The following PAM16 variants were observed in gnomAD, a reference collection of about 807,000 sequenced individuals.
PAM16 encodes the protein mitochondrial import inner membrane translocase subunit TIM16.
In PAM16, 11 loss-of-function variants were observed where a neutral mutation model predicts 17.9. The observed-to-expected ratio is 0.62, with a 90% CI of 0.39 to 1.02. PAM16 has a LOEUF of 1.02. Ranked by LOEUF, PAM16 falls within the 50% of genes least tolerant of loss-of-function variation. PAM16 has a pLI of 0.01. For synonymous variants in PAM16, 72 were observed against 67.4 expected (o/e 1.07, Z -0.34); for missense variants, 199 against 165.4 (o/e 1.20, Z -1.11).
At chr16:4,345,614 C>G (rs1208824022) in intron 1 of PAM16, 2 of 152,920 alleles carry the variant, frequency 1.3e-5, no homozygotes, top group South Asian at 4.1e-4. Context: ...GGGGAATGAA[C>G]AAACAAGTGG....
At chr16:4,340,492 C>T in intron 4 of PAM16, 87 bp from the exon 5 acceptor site, 1 of 1,468,332 alleles carries the variant, frequency 6.8e-7, no homozygotes, top group Non-Finnish European at 9.3e-7. Context: ...CCCATCAGCC[C>T]AGGTCCATTT....
intron 1 of PAM16, among the ~76,000 whole-genome samples, chr16:4,349,801 G>A (rs556642916): frequency 5.7e-4 from 87 of 152,058 alleles, no homozygotes; most frequent in Non-Finnish European, 1.1e-3. Context: ...TGAGTTTTGG[G>A]ACAGAGCTGG....
At chr16:4,348,902 C>A (rs1219446869) in intron 1 of PAM16, among the ~76,000 whole-genome samples, 1 of 151,488 alleles carries the variant, frequency 6.6e-6, no homozygotes, top group Admixed American at 6.6e-5. Flanking sequence ...GGTAATCCAC[C>A]CAAAGTGCTG....
At chr16:4,345,724 C>G (rs2053748327) in intron 1 of PAM16, 1 of 306,350 alleles carries the variant, frequency 3.3e-6, no homozygotes, top group Non-Finnish European at 4.8e-6. Flanking sequence ...AGGGGCAGGG[C>G]TGTGGCTGTA....
intron 2 of PAM16, chr16:4,341,773 G>A (rs985049986): frequency 3.9e-6 from 2 of 514,486 alleles, no homozygotes; most frequent in Admixed American, 3.3e-5. Flanking sequence ...AGATGACCCT[G>A]TCCCCCAACC....
chr16:4,349,231 A>T (rs1199931660), intron 1 of PAM16, among the ~76,000 whole-genome samples: 1 of 151,500 alleles, frequency 6.6e-6, no homozygotes, highest in Non-Finnish European at 1.5e-5. Context: ...CTGGGATTAC[A>T]GGTGTGAGCC....
In PAM16 at chr16:4,340,266, T is replaced by A; in HGVS notation, c.*53A>T. The A allele has an allele frequency of 6.4e-7, 1 of 1,566,192 alleles. No homozygotes were observed. The highest frequency in any genetic ancestry group is 1.1e-5 in the South Asian group (1 of 90,022). On this transcript the variant is annotated 3_prime_UTR_variant, in exon 5 of 5. Transcript: ENST00000318059. ...AAACGAGAAATGCAGAAAAGAAATTTATTACCAAGCTATAAATTAGAGGCG... is the reference window on the plus strand; with the variant it reads ...AAACGAGAAATGCAGAAAAGAAATTAATTACCAAGCTATAAATTAGAGGCG...
At chr16:4,344,167 C>T (rs1567230795) in intron 1 of PAM16, 2 of 368,264 alleles carry the variant, frequency 5.4e-6, no homozygotes, top group Non-Finnish European at 9.5e-6. Flanking sequence ...AAACTCAAGA[C>T]TGAGATGGGA....
chr16:4,341,301 C>G, intron 3 of PAM16, 67 bp downstream of exon 3: 11 of 1,526,306 alleles, frequency 7.2e-6, no homozygotes, highest in Non-Finnish European at 9.7e-6. Flanking sequence ...CTGGCCAGGC[C>G]TCCCTTCACT....
At chr16:4,349,003 G>A (rs773658493) in intron 1 of PAM16, among the ~76,000 whole-genome samples, 22 of 133,498 alleles carry the variant, frequency 1.6e-4, no homozygotes, top group Admixed American at 5.1e-4. Flanking sequence ...CACCCAGGCC[G>A]GAGTGCAGTA....
Position 4,340,431 on chromosome 16 carries a change from G to A in PAM16, c.292-26C>T, listed in dbSNP as rs191458862. 682 of 1,604,890 alleles carry A rather than the reference G, an allele frequency of 4.2e-4. 4 individuals carry two copies. The South Asian group carries it at 5.3e-3, about 12-fold the overall frequency. ...CTAGTGGGTCACGGATAATCAGGCC[G>A]GGAGGCCAAGCCTCCGCCCCATACC... On this transcript the variant is annotated intron_variant, in intron 4 of 4. Transcript: ENST00000318059.
chr16:4,350,441 G>A (rs1466903645), intron 1 of PAM16, among the ~76,000 whole-genome samples: 1 of 150,948 alleles, frequency 6.6e-6, no homozygotes, highest in Non-Finnish European at 1.5e-5. Flanking sequence ...TCACCCTGTC[G>A]CCCAGGCTAG....
At chr16:4,351,147 GCCCAGCCCGGAGCTCGCCGCCCGGCC>G in intron 1 of PAM16, 59 bp downstream of exon 1, 1 of 756,820 alleles carries the variant, frequency 1.3e-6, no homozygotes, top group Non-Finnish European at 1.8e-6. Context: ...GGCGCCCGCC[GCCCAGCCCGGAGCTCGCCGCCCGGCC>G]CCCGGCCCCC....
Position 4,341,371 on chromosome 16 carries a change from C to G in PAM16, c.222G>C (p.Gln74His). ...TGGGGTGGCCCAGTGGCCTCACCTT[C>G]TGGACCTCCTCAGGGCTCAGCTTGG... ...NVSKLSPEEV[Q>H]KNYEHLFKVN... The change falls in exon 3 of 5, where the codon CAG (glutamine) becomes CAC (histidine). Residue 74 changes from glutamine to histidine, a missense_variant. By Grantham distance (24) the Gln-to-His change is conservative. Transcript: ENST00000318059. 2 of 1,576,428 alleles carry G rather than the reference C, an allele frequency of 1.3e-6. No homozygotes were observed. The highest frequency in any genetic ancestry group is 1.7e-6 in the Non-Finnish European group (2 of 1,161,038).
At chr16:4,341,271 A>G in intron 3 of PAM16, 97 bp downstream of exon 3, 1 of 1,486,156 alleles carries the variant, frequency 6.7e-7, no homozygotes, top group South Asian at 1.3e-5. Flanking sequence ...GTGCAGCTGC[A>G]GCCTCCACAT....
intron 1 of PAM16, chr16:4,344,214 C>CTGTGTGAGAGGAGGGG (rs2053698311): frequency 1.4e-5 from 1 of 71,152 alleles, no homozygotes; most frequent in African/African-American, 1.5e-4. Flanking sequence ...GAGAGGAGGG[C>CTGTGTGAGAGGAGGGG]GTTCCGTGAG....
chr16:4,351,086 G>A (rs892005457), intron 1 of PAM16, 146 bp downstream of exon 1: 4 of 384,896 alleles, frequency 1.0e-5, no homozygotes, highest in Admixed American at 4.8e-5. Flanking sequence ...CGATTCCCCC[G>A]GGTGCAACGC....
chr16:4,342,484 G>C (rs1238643592), intron 2 of PAM16, among the ~76,000 whole-genome samples: 1 of 149,408 alleles, frequency 6.7e-6, no homozygotes, highest in Admixed American at 6.7e-5. Context: ...GAGAAACCCC[G>C]TCTCTACTAA....
intron 2 of PAM16, among the ~76,000 whole-genome samples, chr16:4,342,397 G>A (rs143295035): frequency 3.0e-3 from 450 of 152,090 alleles, no homozygotes; most frequent in African/African-American, 0.01. Context: ...GCTCACGCCT[G>A]TAATCCCAGT....
Sources: allele counts gnomAD v4.1 joint callset (sites outside exome capture counted in the v4.1 genomes callset), GRCh38; gene constraint gnomAD v4.1.1; transcripts MANE v1.5; gene names NCBI Gene and HGNC (gene_info 2026-07-23, HGNC 2026-07-21).